The following NWD1 variants were observed in gnomAD, a reference collection of about 807,000 sequenced individuals.
NWD1 encodes the protein NACHT domain- and WD repeat-containing protein 1.
NWD1 carries 129 observed loss-of-function variants against 135.1 expected under a neutral mutation model. That is an observed-to-expected ratio of 0.96 (90% confidence interval 0.83 to 1.11). The LOEUF is 1.11. Among genes scored for constraint, NWD1 ranks in the 50% least tolerant of loss-of-function variants. The probability of loss-of-function intolerance (pLI) is 0.00; values close to 1 mark genes in which losing one functional copy is unlikely to be tolerated. For synonymous variants in NWD1, 773 were observed against 786.0 expected (o/e 0.98, Z 0.28); for missense variants, 1,740 against 1,851.3 (o/e 0.94, Z 1.10).
rs577093068 is a variant in NWD1, at chr19:16,724,394, A to G, written c.-76A>G. 40 of 152,210 alleles carry G rather than the reference A, an allele frequency of 2.6e-4. No individual in the cohort carries two copies. Among genetic ancestry groups the G allele is most frequent in the African/African-American group, 9.4e-4 (39 of 41,532 alleles). 9.4% of individuals were successfully genotyped at this position (152,210 alleles called of 1,614,324 possible). A position where few individuals can be genotyped will look rare whatever the true frequency, so the allele number is the denominator to read the frequency against. On this transcript the variant is annotated 5_prime_UTR_variant, in exon 2 of 19. Transcript: ENST00000524140. ...ATGCGGCCGATGCCCTGGGAGGGAG[A>G]CCACTTGCTTAAGTCCTCCAGGAGG... is the stretch of plus-strand genomic sequence containing the variant.
chr19:16,778,360 A>G (rs1969729087), intron 11 of NWD1, among the ~76,000 whole-genome samples: 1 of 152,092 alleles, frequency 6.6e-6, no homozygotes, highest in Non-Finnish European at 1.5e-5. Flanking sequence ...TGGCAAATAT[A>G]TATTTTTTTT....
chr19:16,726,428 C>A (rs1967331446), intron 2 of NWD1, among the ~76,000 whole-genome samples: 1 of 151,754 alleles, frequency 6.6e-6, no homozygotes, highest in Non-Finnish European at 1.5e-5. Context: ...TGATTTTAAA[C>A]TGTTTTCTTT....
At position 16,765,002 on chromosome 19, in the gene NWD1, C is replaced by A. The variant is rs761272591; in HGVS notation, c.2252-32C>A. 2.5e-6 allele frequency: 4 copies of A among 1,611,208 alleles called. No homozygotes were observed. In the East Asian group the frequency reaches 8.9e-5, roughly 36 times the overall value. ...AGGATGAACTGGAGGGAGGTAGGCA[C>A]TTCCCACATCCTCCCCCCTTCTCTC... is the stretch of plus-strand genomic sequence containing the variant. On this transcript the variant is annotated intron_variant, in intron 9 of 18. Transcript: ENST00000524140.
chr19:16,776,133 C>T (rs1029533552), intron 11 of NWD1, among the ~76,000 whole-genome samples: 3 of 152,174 alleles, frequency 2.0e-5, no homozygotes, highest in Non-Finnish European at 4.4e-5. Context: ...TAGGAAGTTA[C>T]AGCTTAGCGT....
At chr19:16,729,506 G>C (rs1160207127) in intron 2 of NWD1, among the ~76,000 whole-genome samples, 1 of 151,716 alleles carries the variant, frequency 6.6e-6, no homozygotes, top group Non-Finnish European at 1.5e-5. Flanking sequence ...CTCTGAAGTG[G>C]GCAGATTGCT....
chr19:16,750,331 G>A lies in NWD1; in HGVS notation c.1689G>A (p.Thr563=), dbSNP rs750480534. 22 of 1,612,976 alleles carry A rather than the reference G, an allele frequency of 1.4e-5. No individual in the cohort carries two copies. Among genetic ancestry groups the A allele is most frequent in the South Asian group, 1.2e-4 (11 of 91,068 alleles). The change falls in exon 6 of 19, where the codon ACG becomes ACA. Residue 563 remains threonine, a synonymous_variant. Coordinates refer to ENST00000524140, the MANE Select transcript of NWD1 (RefSeq NM_001007525.5). ...TGGCCACCACCGCAGAGGAAGCCAC[G>A]CACCAACTCTGCACCCGCCTGGAGC... ...VPLATTAEEA[T]HQLCTRLEQT...
rs190760588 is a variant in NWD1 at position 16,723,181 on chromosome 19, G to A, written c.-104-1185G>A. On this transcript the variant is annotated intron_variant, in intron 1 of 18. Coordinates refer to ENST00000524140, the MANE Select transcript of NWD1 (RefSeq NM_001007525.5). ...CCCAAGTAGCTAGGACCGCAGACAC[G>A]AATCACCATGTCCAGCTGATTTTTT... Among the ~76,000 whole-genome samples the A allele has an allele frequency of 4.5e-4, 68 of 152,098 alleles. No individual in the cohort carries two copies. In the East Asian group the frequency reaches 0.01, roughly 23 times the overall value.
chr19:16,730,700 G>A (rs1353124862), intron 2 of NWD1, among the ~76,000 whole-genome samples: 3 of 151,962 alleles, frequency 2.0e-5, no homozygotes, highest in Non-Finnish European at 4.4e-5. Flanking sequence ...CTGGGTGATG[G>A]AGTGAGACCT....
At chr19:16,802,010 G>A (rs1351671432) in intron 17 of NWD1, among the ~76,000 whole-genome samples, 1 of 152,048 alleles carries the variant, frequency 6.6e-6, no homozygotes, top group African/African-American at 2.4e-5. Context: ...TAATGGCCGG[G>A]CATGGTGGCT....
chr19:16,745,319 A>C (rs1311369837), intron 5 of NWD1, among the ~76,000 whole-genome samples: 1 of 152,130 alleles, frequency 6.6e-6, no homozygotes, highest in Non-Finnish European at 1.5e-5. Context: ...GCTACAATTC[A>C]AGATGAGATT....
At chr19:16,812,496 C>G (rs542808304) in intron 18 of NWD1, among the ~76,000 whole-genome samples, 2 of 151,864 alleles carry the variant, frequency 1.3e-5, no homozygotes, top group South Asian at 4.2e-4. Context: ...TGGTGAAACC[C>G]CATTTCTACT....
chr19:16,783,933 C>T (rs568317572), intron 12 of NWD1, among the ~76,000 whole-genome samples: 5 of 152,036 alleles, frequency 3.3e-5, no homozygotes, highest in South Asian at 2.1e-4. Flanking sequence ...CAGGAGTGGC[C>T]GGGCACAGTG....
intron 17 of NWD1, among the ~76,000 whole-genome samples, chr19:16,806,153 G>A (rs1195047393): frequency 6.6e-6 from 1 of 152,072 alleles, no homozygotes; most frequent in Non-Finnish European, 1.5e-5. Flanking sequence ...GATTACAGAC[G>A]TGAGTCACCA....
chr19:16,750,901 C>T (rs1968551010), intron 6 of NWD1, among the ~76,000 whole-genome samples: 1 of 151,332 alleles, frequency 6.6e-6, no homozygotes, highest in Non-Finnish European at 1.5e-5. Flanking sequence ...GGTTGCTTAG[C>T]CTAGTAAAAG....
intron 5 of NWD1, among the ~76,000 whole-genome samples, chr19:16,746,039 AACT>A (rs1217297672): frequency 6.6e-6 from 1 of 152,150 alleles, no homozygotes; most frequent in Non-Finnish European, 1.5e-5. Context: ...CCCAAAACGT[AACT>A]ACTAATAGCC....
intron 6 of NWD1, among the ~76,000 whole-genome samples, chr19:16,753,844 T>C (rs1968674889): frequency 7.1e-6 from 1 of 140,656 alleles, no homozygotes; most frequent in East Asian, 2.5e-4. Flanking sequence ...CATCCATCCA[T>C]CCATCCATCC....
intron 18 of NWD1, among the ~76,000 whole-genome samples, chr19:16,814,230 C>T (rs1166208323): frequency 6.6e-6 from 1 of 152,140 alleles, no homozygotes; most frequent in African/African-American, 2.4e-5. Context: ...AACACTCACT[C>T]CCATTTACAG....
At chr19:16,782,291 A>C (rs1228611472) in intron 12 of NWD1, among the ~76,000 whole-genome samples, 3 of 150,686 alleles carry the variant, frequency 2.0e-5, no homozygotes. Context: ...CTCTAAAAAA[A>C]AAAAAAAAAA....
chr19:16,769,667 G>A (rs1969347919), intron 10 of NWD1, among the ~76,000 whole-genome samples: 1 of 152,082 alleles, frequency 6.6e-6, no homozygotes, highest in Admixed American at 6.6e-5. Flanking sequence ...GCCCTGGGCT[G>A]GGACTCGCCT....
Sources: gnomAD v4.1 joint callset for allele counts (sites outside exome capture counted in the v4.1 genomes callset) on GRCh38, gnomAD v4.1.1 for gene constraint, MANE v1.5 for transcripts, NCBI Gene and HGNC (gene_info 2026-07-23, HGNC 2026-07-21) for gene names.